GADL1: variants seen among roughly 807,000 people sequenced by gnomAD.
The protein encoded by GADL1 is GAD like acidic amino acid decarboxylase 1.
Under a neutral mutation model 69.5 loss-of-function variants are expected in GADL1, and 71 were observed. The observed-to-expected ratio is 1.02, with a 90% CI of 0.84 to 1.25. GADL1 has a LOEUF of 1.25. Among genes scored for constraint, GADL1 ranks in the 50% most tolerant of loss-of-function variants. The pLI is 0.00. For synonymous variants in GADL1, 254 were observed against 214.4 expected, an observed-to-expected ratio of 1.18 and a Z score of -1.62; for missense variants, 737 against 631.8, an observed-to-expected ratio of 1.17 and a Z score of -1.79.
intron 11 of GADL1, among the ~76,000 whole-genome samples, chr3:30,831,145 T>A (rs1184452673): frequency 6.6e-6 from 1 of 151,986 alleles, no homozygotes; most frequent in Non-Finnish European, 1.5e-5. Flanking sequence ...TTCCAATAAC[T>A]CTTTTAGTTC....
intron 14 of GADL1, among the ~76,000 whole-genome samples, chr3:30,752,369 A>G (rs1232705802): frequency 6.6e-6 from 1 of 151,984 alleles, no homozygotes; most frequent in African/African-American, 2.4e-5. Flanking sequence ...AATCTATTTA[A>G]GTGGTGCACC....
At chr3:30,745,276 TC>T (rs1199974291) in intron 14 of GADL1, among the ~76,000 whole-genome samples, 1 of 152,212 alleles carries the variant, frequency 6.6e-6, no homozygotes, top group Non-Finnish European at 1.5e-5. Context: ...AAGCACAGAA[TC>T]CTTTAAGTCG....
At chr3:30,808,147 A>T (rs566416123) in intron 11 of GADL1, among the ~76,000 whole-genome samples, 1 of 152,162 alleles carries the variant, frequency 6.6e-6, no homozygotes, top group African/African-American at 2.4e-5. Context: ...GGAGGAGGGG[A>T]GGGAAAGAGC....
chr3:30,852,775 C>A (rs1022853291), intron 4 of GADL1, among the ~76,000 whole-genome samples: 10 of 152,040 alleles, frequency 6.6e-5, no homozygotes, highest in African/African-American at 2.4e-4. Flanking sequence ...GATGGTTTAG[C>A]TTAGCAGCAA....
At position 30,872,973 on chromosome 3, in the gene GADL1, T is replaced by A. The variant is rs186267616; in HGVS notation, c.38-11208A>T. 6.0e-3 allele frequency among the ~76,000 whole-genome samples: 908 copies of A among 152,052 alleles called. 9 individuals are homozygous for A. Among genetic ancestry groups the A allele is most frequent in the Middle Eastern group, 0.058 (17 of 294 alleles). On this transcript the variant is annotated intron_variant, in intron 1 of 14. Transcript: ENST00000282538. ...CAAAACTTGGAGGTCAACCAGTTACTGTCAGACAATAAATATGCTGTTTTT... is the reference window on the plus strand; with the variant it reads ...CAAAACTTGGAGGTCAACCAGTTACAGTCAGACAATAAATATGCTGTTTTT...
chr3:30,815,227 C>T (rs917446095), intron 11 of GADL1, among the ~76,000 whole-genome samples: 7 of 152,062 alleles, frequency 4.6e-5, no homozygotes, highest in African/African-American at 9.7e-5. Context: ...TGTGATAAAA[C>T]TGGTTAAATT....
intron 8 of GADL1, among the ~76,000 whole-genome samples, chr3:30,843,492 A>G (rs1698003899): frequency 6.6e-6 from 1 of 151,912 alleles, no homozygotes; most frequent in African/African-American, 2.4e-5. Context: ...TCCTGACCTC[A>G]TAATCTGCCC....
In GADL1 at chr3:30,803,892, GTTA is replaced by G. The variant is rs932564425; in HGVS notation, c.1051-2807_1051-2805del. Among the ~76,000 whole-genome samples, 58 of 152,274 alleles carry G rather than the reference GTTA, an allele frequency of 3.8e-4. 1 individual carries two copies. Among genetic ancestry groups the G allele is most frequent in the African/African-American group, 1.3e-3 (55 of 41,554 alleles). On this transcript the variant is annotated intron_variant, in intron 11 of 14. Coordinates refer to ENST00000282538, the MANE Select transcript of GADL1 (RefSeq NM_207359.3). ...GTAAAACGTAACATTGTTGAAAATAGTTATTATTGTGCTATCAAAGAGAAGCAC... is the reference window on the plus strand; with the variant it reads ...GTAAAACGTAACATTGTTGAAAATAGTTATTGTGCTATCAAAGAGAAGCAC...
rs765032348 is a variant in GADL1, at chr3:30,786,352, T to TA, written c.1302+2dup. ...TCACAAGCACAATTATGCAATCACTTACTTCCATCAGTAACTTGAATCCTT... is the reference window on the plus strand; with the variant it reads ...TCACAAGCACAATTATGCAATCACTTAACTTCCATCAGTAACTTGAATCCTT... On this transcript the variant is annotated splice_region_variant and intron_variant, in intron 13 of 14. Coordinates refer to ENST00000282538, the MANE Select transcript of GADL1 (RefSeq NM_207359.3). The TA allele has an allele frequency of 6.4e-7, 1 of 1,550,548 alleles. No homozygotes were observed. Among genetic ancestry groups the TA allele is most frequent in the Admixed American group, 1.7e-5 (1 of 59,830 alleles).
At chr3:30,771,041 C>T (rs9854630) in intron 14 of GADL1, among the ~76,000 whole-genome samples, 33,640 of 152,138 alleles carry the variant, frequency 0.22, 6,740 homozygotes, top group African/African-American at 0.54. Flanking sequence ...CATGAACTTC[C>T]CGTTAAACAT....
chr3:30,790,705 AAG>A (rs1696895055), intron 12 of GADL1, among the ~76,000 whole-genome samples: 1 of 152,128 alleles, frequency 6.6e-6, no homozygotes, highest in Non-Finnish European at 1.5e-5. Flanking sequence ...ACAAAGAAAA[AAG>A]TTATCAATAT....
At chr3:30,774,304 T>C (rs1696485607) in intron 14 of GADL1, among the ~76,000 whole-genome samples, 1 of 152,146 alleles carries the variant, frequency 6.6e-6, no homozygotes, top group South Asian at 2.1e-4. Context: ...CTAGTAGAAA[T>C]GTATGAGGTA....
intron 14 of GADL1, among the ~76,000 whole-genome samples, chr3:30,751,270 C>T (rs907158728): frequency 1.3e-5 from 2 of 151,856 alleles, no homozygotes; most frequent in East Asian, 3.9e-4. Context: ...CTAAAGGGCA[C>T]GTGGGGGGTG....
chr3:30,737,532 T>A (rs1040331195), intron 14 of GADL1, among the ~76,000 whole-genome samples: 1 of 152,178 alleles, frequency 6.6e-6, no homozygotes, highest in African/African-American at 2.4e-5. Flanking sequence ...TTTTTAAACC[T>A]ATCTAATTCT....
chr3:30,795,472 A>G (rs993254282), intron 12 of GADL1, among the ~76,000 whole-genome samples: 1 of 152,152 alleles, frequency 6.6e-6, no homozygotes, highest in African/African-American at 2.4e-5. Context: ...GCTATGACAG[A>G]AATATTTACA....
chr3:30,806,580 C>T (rs1697260001), intron 11 of GADL1, among the ~76,000 whole-genome samples: 1 of 152,182 alleles, frequency 6.6e-6, no homozygotes, highest in Admixed American at 6.5e-5. Context: ...ATCCTTAAGG[C>T]ATTTCAGATG....
chr3:30,839,147 C>T (rs1294757458), intron 8 of GADL1, 34 bp from the exon 9 acceptor site: 5 of 1,310,156 alleles, frequency 3.8e-6, no homozygotes, highest in Non-Finnish European at 4.2e-6. Context: ...AAAATTATCA[C>T]TGTCATCACT....
At chr3:30,740,923 A>T (rs930741958) in intron 14 of GADL1, among the ~76,000 whole-genome samples, 3 of 140,218 alleles carry the variant, frequency 2.1e-5, no homozygotes, top group Non-Finnish European at 4.5e-5. Context: ...ATATATAAAA[A>T]ACAAATATAT....
intron 14 of GADL1, among the ~76,000 whole-genome samples, chr3:30,777,844 CAG>C (rs1394480462): frequency 1.3e-5 from 2 of 151,964 alleles, no homozygotes; most frequent in South Asian, 2.1e-4. Flanking sequence ...GTACAACAGT[CAG>C]AGATGCAGTA....
Sources: gnomAD v4.1 joint callset for allele counts (sites outside exome capture counted in the v4.1 genomes callset) on GRCh38, gnomAD v4.1.1 for gene constraint, MANE v1.5 for transcripts, NCBI Gene and HGNC (gene_info 2026-07-23, HGNC 2026-07-21) for gene names.